MYRIP: variants seen among roughly 807,000 people sequenced by gnomAD.
The protein encoded by MYRIP is myosin VIIA and Rab interacting protein, also known as rab effector MyRIP.
In MYRIP, 49 loss-of-function variants were observed where a neutral mutation model predicts 98.0. That is an observed-to-expected ratio of 0.50 (90% CI 0.40 to 0.63). The LOEUF (loss-of-function observed/expected upper bound fraction) is 0.63, where lower values mean the gene tolerates loss of function less well. Among genes scored for constraint, MYRIP ranks in the 30% least tolerant of loss-of-function variants. The probability of loss-of-function intolerance (pLI) is 0.00; values close to 1 mark genes in which losing one functional copy is unlikely to be tolerated. For synonymous variants in MYRIP, 404 were observed against 409.5 expected (o/e 0.99, Z 0.16); for missense variants, 1,004 against 1,058.2 (o/e 0.95, Z 0.71).
chr3:39,905,693 CT>C (rs1416950281), intron 2 of MYRIP, among the ~76,000 whole-genome samples: 1 of 152,122 alleles, frequency 6.6e-6, no homozygotes, highest in Non-Finnish European at 1.5e-5. Flanking sequence ...ATATTTGAGT[CT>C]CCTGTTTTGT....
chr3:39,824,598 C>T (rs1269795114), intron 1 of MYRIP, among the ~76,000 whole-genome samples: 1 of 151,742 alleles, frequency 6.6e-6, no homozygotes, highest in Non-Finnish European at 1.5e-5. Context: ...TTCTAGGAAC[C>T]AGGTATTTTG....
intron 3 of MYRIP, among the ~76,000 whole-genome samples, chr3:40,125,618 G>C (rs773061711): frequency 1.3e-5 from 2 of 152,048 alleles, no homozygotes; most frequent in Non-Finnish European, 2.9e-5. Flanking sequence ...TAACCATCAC[G>C]CTAGCTATGT....
chr3:40,087,586 A>G (rs551102432), intron 3 of MYRIP, among the ~76,000 whole-genome samples: 4 of 152,320 alleles, frequency 2.6e-5, no homozygotes, highest in Non-Finnish European at 5.9e-5. Context: ...GTGGCATGGT[A>G]GCCAATGTTT....
chr3:39,878,998 G>A (rs957446798), intron 1 of MYRIP, among the ~76,000 whole-genome samples: 5 of 151,734 alleles, frequency 3.3e-5, no homozygotes, highest in African/African-American at 7.3e-5. Flanking sequence ...CCTGGGAGGC[G>A]GAGGTTGCAG....
At chr3:40,246,096 GGTC>G (rs34035508) in intron 13 of MYRIP, among the ~76,000 whole-genome samples, 79,038 of 150,768 alleles carry the variant, frequency 0.52, 21,645 homozygotes, top group East Asian at 0.75. Context: ...GGAGAACTGT[GGTC>G]GTCAATAAAA....
intron 1 of MYRIP, among the ~76,000 whole-genome samples, chr3:39,810,202 G>A (rs977393893): frequency 1.3e-5 from 2 of 152,210 alleles, no homozygotes; most frequent in African/African-American, 4.8e-5. Context: ...TTTCCCTCGC[G>A]TTTTCCGATC....
chr3:40,152,708 C>A (rs540834322), intron 4 of MYRIP, among the ~76,000 whole-genome samples: 21 of 152,308 alleles, frequency 1.4e-4, no homozygotes, highest in African/African-American at 5.1e-4. Flanking sequence ...TACACAGCTG[C>A]CTCTCCTGCC....
intron 2 of MYRIP, among the ~76,000 whole-genome samples, chr3:39,918,858 C>CT (rs1944235619): frequency 6.6e-6 from 1 of 152,118 alleles, no homozygotes; most frequent in Non-Finnish European, 1.5e-5. Flanking sequence ...GTTATGCAGA[C>CT]TAACTACAGC....
chr3:39,883,277 T>C (rs1387482858), intron 1 of MYRIP, among the ~76,000 whole-genome samples: 3 of 152,228 alleles, frequency 2.0e-5, no homozygotes, highest in African/African-American at 7.2e-5. Context: ...GTGCAGGAAC[T>C]GCAGCTTAGC....
chr3:39,891,981 CA>C (rs1225454854), intron 1 of MYRIP, among the ~76,000 whole-genome samples: 1 of 151,626 alleles, frequency 6.6e-6, no homozygotes, highest in Non-Finnish European at 1.5e-5. Flanking sequence ...TATAGTACTT[CA>C]AATTTTTATA....
At chr3:39,999,025 T>C (rs1266800045) in intron 2 of MYRIP, among the ~76,000 whole-genome samples, 3 of 152,094 alleles carry the variant, frequency 2.0e-5, no homozygotes, top group Admixed American at 6.6e-5. Flanking sequence ...CAAAAATTAA[T>C]TCAAGATGGA....
intron 16 of MYRIP, among the ~76,000 whole-genome samples, chr3:40,252,809 T>TGTAA: frequency 6.6e-6 from 1 of 152,286 alleles, no homozygotes; most frequent in African/African-American, 2.4e-5. Context: ...TTAATCTCCC[T>TGTAA]GTAAGTTTAA....
Position 39,990,234 on chromosome 3 carries a change from G to A in MYRIP, c.111-53816G>A, listed in dbSNP as rs190084967. On this transcript the variant is annotated intron_variant, in intron 2 of 16. Transcript: ENST00000302541. ...TCATTCACTGACTCCCTTGGCTGGG[G>A]GGAGTGGACTCCTCTGCCCTGTGTA... 6.6e-3 allele frequency among the ~76,000 whole-genome samples: 1,003 copies of A among 152,274 alleles called. 5 individuals are homozygous for A. The highest frequency in any genetic ancestry group is 0.027 in the Middle Eastern group (8 of 294).
At chr3:40,179,625 T>C (rs534559024) in intron 8 of MYRIP, among the ~76,000 whole-genome samples, 1 of 152,362 alleles carries the variant, frequency 6.6e-6, no homozygotes, top group East Asian at 1.9e-4. Flanking sequence ...GCTGCAATAA[T>C]ACTGCATCTG....
At chr3:39,985,144 G>A (rs1946000642) in intron 2 of MYRIP, among the ~76,000 whole-genome samples, 1 of 151,840 alleles carries the variant, frequency 6.6e-6, no homozygotes, top group Non-Finnish European at 1.5e-5. Context: ...AAAATCACAA[G>A]CATTCTTATA....
chr3:40,210,901 A>C (rs1951909470), intron 11 of MYRIP, among the ~76,000 whole-genome samples: 2 of 152,130 alleles, frequency 1.3e-5, no homozygotes, highest in African/African-American at 4.8e-5. Flanking sequence ...AAGCACATTT[A>C]TGCTAGACTT....
chr3:39,967,155 T>C (rs1432481380), intron 2 of MYRIP, among the ~76,000 whole-genome samples: 1 of 152,196 alleles, frequency 6.6e-6, no homozygotes, highest in African/African-American at 2.4e-5. Flanking sequence ...TGAAAGTTTG[T>C]CATGGGAGTT....
chr3:40,147,893 A>C (rs533991589), intron 3 of MYRIP, among the ~76,000 whole-genome samples: 1 of 152,130 alleles, frequency 6.6e-6, no homozygotes, highest in Admixed American at 6.5e-5. Flanking sequence ...TCTTCATTGT[A>C]CTCCTGGGAC....
intron 11 of MYRIP, among the ~76,000 whole-genome samples, chr3:40,214,701 T>C (rs1952064627): frequency 6.6e-6 from 1 of 152,150 alleles, no homozygotes; most frequent in Non-Finnish European, 1.5e-5. Context: ...GCGGTCAGCC[T>C]TCCAAACCAC....
Sources: allele counts gnomAD v4.1 joint callset (sites outside exome capture counted in the v4.1 genomes callset), GRCh38; gene constraint gnomAD v4.1.1; transcripts MANE v1.5; gene names NCBI Gene and HGNC (gene_info 2026-07-23, HGNC 2026-07-21).